GALNT17: variants seen among roughly 807,000 people sequenced by gnomAD.
GALNT17 encodes polypeptide N-acetylgalactosaminyltransferase 17.
A neutral mutation model predicts 63.7 loss-of-function variants in GALNT17; 29 were observed. The observed-to-expected ratio is 0.46, with a 90% CI of 0.34 to 0.62. The LOEUF (loss-of-function observed/expected upper bound fraction) is 0.62, where lower values mean the gene tolerates loss of function less well. Ranked by LOEUF, GALNT17 falls within the 20% of genes least tolerant of loss-of-function variation. The pLI, the probability that GALNT17 is intolerant of heterozygous loss-of-function variation, is 0.01. For missense variants in GALNT17, 603 were observed against 799.6 expected (o/e 0.75, Z 2.97); for synonymous variants, 305 against 318.3 (o/e 0.96, Z 0.45).
rs9297114 is a variant in GALNT17, at chr7:71,541,242, C to CA, written c.963-30028dup. On this transcript the variant is annotated intron_variant, in intron 5 of 10. Coordinates refer to ENST00000333538, the MANE Select transcript of GALNT17 (RefSeq NM_022479.3). ...TGGGCAACAAAGCGAGACACTGTCTCAAAAAAAAAAAAAAATGCTGCGTAT... is the reference window on the plus strand; with the variant it reads ...TGGGCAACAAAGCGAGACACTGTCTCAAAAAAAAAAAAAAAATGCTGCGTAT... Among the ~76,000 whole-genome samples, 161 of 145,754 alleles carry CA rather than the reference C, an allele frequency of 1.1e-3. 1 individual carries two copies. In the East Asian group the frequency reaches 0.02, roughly 18 times the overall value.
Position 71,265,908 on chromosome 7 carries a change from C to T in GALNT17, c.239-69642C>T, listed in dbSNP as rs570631008. ...ACCACACATTTATTCTTATAGTTTT[C>T]GAGGTTAGAAATCTGAAATGAGTTT... On this transcript the variant is annotated intron_variant, in intron 1 of 10. Coordinates refer to ENST00000333538, the MANE Select transcript of GALNT17 (RefSeq NM_022479.3). 1.6e-3 allele frequency among the ~76,000 whole-genome samples: 236 copies of T among 152,228 alleles called. 2 individuals are homozygous for T. Among genetic ancestry groups the T allele is most frequent in the African/African-American group, 5.4e-3 (224 of 41,552 alleles).
intron 1 of GALNT17, among the ~76,000 whole-genome samples, chr7:71,299,802 G>A (rs1000565404): frequency 1.3e-5 from 2 of 151,824 alleles, no homozygotes; most frequent in South Asian, 4.2e-4. Flanking sequence ...GTCTTGCTCT[G>A]TTGCCCAGGC....
At chr7:71,321,867 T>TTCCCTTCCTTCCTTCCTTCCTTCCTTCC (rs1272306510) in intron 1 of GALNT17, among the ~76,000 whole-genome samples, 1 of 46,834 alleles carries the variant, frequency 2.1e-5, no homozygotes, top group Non-Finnish European at 4.2e-5. Flanking sequence ...CCTTCCTTCC[T>TTCCCTTCCTTCCTTCCTTCCTTCCTTCC]TTCCTTCCTT....
chr7:71,711,932 GTCTC>G lies in GALNT17; in HGVS notation c.1669-82_1669-79del, dbSNP rs557299591. ...TTCTCTTTGTCATTTTCTCTCTCCTGTCTCTCTTTCTCCTCTCTCTATATCTCTC... is the reference window on the plus strand; with the variant it reads ...TTCTCTTTGTCATTTTCTCTCTCCTGTCTTTCTCCTCTCTCTATATCTCTC... On this transcript the variant is annotated intron_variant, in intron 10 of 10. Coordinates refer to ENST00000333538, the MANE Select transcript of GALNT17 (RefSeq NM_022479.3). The G allele has an allele frequency of 8.5e-6, 12 of 1,411,896 alleles. No individual in the cohort carries two copies. The East Asian group carries it at 1.2e-4, about 14-fold the overall frequency. The allele number at this position is 1,411,896 out of a possible 1,614,324, so 87.5% of individuals were successfully genotyped here.
chr7:71,172,467 G>GA (rs369510040), intron 1 of GALNT17, among the ~76,000 whole-genome samples: 18,240 of 134,410 alleles, frequency 0.14, 2,293 homozygotes, highest in African/African-American at 0.33. Flanking sequence ...AAAAAAAAAA[G>GA]AAAAAAAAAA....
chr7:71,337,622 C>T (rs1791931846), intron 2 of GALNT17, among the ~76,000 whole-genome samples: 1 of 152,180 alleles, frequency 6.6e-6, no homozygotes, highest in African/African-American at 2.4e-5. Context: ...GTAATCCCAA[C>T]ACTTTGGGAG....
At chr7:71,436,251 G>A (rs1462843577) in intron 5 of GALNT17, among the ~76,000 whole-genome samples, 2 of 152,100 alleles carry the variant, frequency 1.3e-5, no homozygotes, top group Non-Finnish European at 2.9e-5. Context: ...TGAGATGAGA[G>A]GATTGCTTAA....
rs114058805 is a variant in GALNT17 at position 71,189,225 on chromosome 7, C to T, written c.238+56185C>T. Among the ~76,000 whole-genome samples, 819 of 152,246 alleles carry T rather than the reference C, an allele frequency of 5.4e-3. 7 individuals carry two copies. Among genetic ancestry groups the T allele is most frequent in the African/African-American group, 0.018 (762 of 41,552 alleles). ...AGGAGTTTCCTTTTTTCTTGGTTCT[C>T]ATTCTTTCTTGCCTGCCGCCATGTA... On this transcript the variant is annotated intron_variant, in intron 1 of 10. Coordinates refer to ENST00000333538, the MANE Select transcript of GALNT17 (RefSeq NM_022479.3).
chr7:71,542,036 A>G (rs897583053), intron 5 of GALNT17, among the ~76,000 whole-genome samples: 4 of 152,220 alleles, frequency 2.6e-5, no homozygotes, highest in Non-Finnish European at 4.4e-5. Flanking sequence ...TGTTAAATGC[A>G]GGCGATGATA....
chr7:71,434,946 C>T (rs535595376), intron 5 of GALNT17, among the ~76,000 whole-genome samples: 1 of 152,158 alleles, frequency 6.6e-6, no homozygotes, highest in South Asian at 2.1e-4. Flanking sequence ...TTCAGGGGAC[C>T]AGTCTGGAGA....
intron 6 of GALNT17, among the ~76,000 whole-genome samples, chr7:71,640,955 C>T (rs1225241992): frequency 6.6e-6 from 1 of 152,146 alleles, no homozygotes; most frequent in East Asian, 1.9e-4. Context: ...TAGCTGGTTT[C>T]TGACAGTTAG....
chr7:71,384,209 T>C (rs1476842175), intron 2 of GALNT17, among the ~76,000 whole-genome samples: 1 of 152,196 alleles, frequency 6.6e-6, no homozygotes, highest in African/African-American at 2.4e-5. Context: ...TGATTTGCAT[T>C]TCTCTAATGA....
intron 1 of GALNT17, among the ~76,000 whole-genome samples, chr7:71,297,468 C>CGGGAGGT (rs898665741): frequency 6.6e-6 from 1 of 152,036 alleles, no homozygotes; most frequent in African/African-American, 2.4e-5. Flanking sequence ...CACTTGAACC[C>CGGGAGGT]GGGAGGTGGA....
At chr7:71,419,090 A>C (rs1786609771) in intron 4 of GALNT17, among the ~76,000 whole-genome samples, 1 of 152,168 alleles carries the variant, frequency 6.6e-6, no homozygotes, top group African/African-American at 2.4e-5. Context: ...AAAAAGAAAA[A>C]AAAAGAAATA....
At chr7:71,217,604 G>C (rs987218797) in intron 1 of GALNT17, among the ~76,000 whole-genome samples, 1 of 151,792 alleles carries the variant, frequency 6.6e-6, no homozygotes. Flanking sequence ...TTTTAAAGAA[G>C]TACCTAAGTC....
intron 1 of GALNT17, among the ~76,000 whole-genome samples, chr7:71,269,030 G>A (rs1790539971): frequency 6.6e-6 from 1 of 152,202 alleles, no homozygotes; most frequent in Non-Finnish European, 1.5e-5. Flanking sequence ...GCCAGCTGGA[G>A]AGCTTACTGC....
chr7:71,639,187 C>G (rs80341406), intron 6 of GALNT17, among the ~76,000 whole-genome samples: 2 of 151,998 alleles, frequency 1.3e-5, no homozygotes, highest in South Asian at 2.1e-4. Flanking sequence ...TGTGTCAAAA[C>G]GTCTCGTGTA....
chr7:71,463,514 G>T (rs761670643), intron 5 of GALNT17, among the ~76,000 whole-genome samples: 1 of 152,172 alleles, frequency 6.6e-6, no homozygotes, highest in Non-Finnish European at 1.5e-5. Flanking sequence ...TCCATAGGGT[G>T]AAGTGAAAGC....
chr7:71,384,707 T>C (rs551177058), intron 2 of GALNT17, among the ~76,000 whole-genome samples: 1 of 152,332 alleles, frequency 6.6e-6, no homozygotes, highest in East Asian at 1.9e-4. Flanking sequence ...TGTCATTGCA[T>C]TGTGAGTCTA....
Sources: gnomAD v4.1 joint callset for allele counts (sites outside exome capture counted in the v4.1 genomes callset) on GRCh38, gnomAD v4.1.1 for gene constraint, MANE v1.5 for transcripts, NCBI Gene and HGNC (gene_info 2026-07-23, HGNC 2026-07-21) for gene names.